Variants in ZNF43 observed in about 807,000 individuals in gnomAD.
ZNF43 encodes zinc finger protein 43.
ZNF43 carries 44 observed loss-of-function variants against 68.4 expected under a neutral mutation model. That is an observed-to-expected ratio of 0.64 (90% CI 0.51 to 0.83). The LOEUF (loss-of-function observed/expected upper bound fraction) is 0.83. Ranked by LOEUF, ZNF43 falls within the 40% of genes least tolerant of loss-of-function variation. The pLI is 0.00. For synonymous variants in ZNF43, 308 were observed against 307.8 expected (o/e 1.00, Z -0.01); for missense variants, 896 against 933.2 (o/e 0.96, Z 0.52).
chr19:21,822,881 A>G (rs1383155025), intron 1 of ZNF43, among the ~76,000 whole-genome samples: 1 of 152,100 alleles, frequency 6.6e-6, no homozygotes, highest in Non-Finnish European at 1.5e-5. Context: ...AAGCTTACCT[A>G]AGACAAAATT....
At chr19:21,823,022 T>G (rs146253756) in intron 1 of ZNF43, among the ~76,000 whole-genome samples, 1 of 152,336 alleles carries the variant, frequency 6.6e-6, no homozygotes, top group East Asian at 1.9e-4. Context: ...AAGATAAATA[T>G]GTATTCTTAG....
Position 21,836,102 on chromosome 19 carries a change from A to G in ZNF43, c.-64T>C. 4 of 1,612,088 alleles carry G rather than the reference A, an allele frequency of 2.5e-6. No individual in the cohort carries two copies. The highest frequency in any genetic ancestry group is 3.4e-6 in the Non-Finnish European group (4 of 1,178,688). On this transcript the variant is annotated 5_prime_UTR_variant, in exon 1 of 4. Coordinates refer to ENST00000354959, the MANE Select transcript of ZNF43 (RefSeq NM_003423.4). ...ATCCCCCAATACCCGCAGGTCACAG[A>G]GCCACAGAGGCTGGACCTCTAGCAG... is the stretch of plus-strand genomic sequence containing the variant.
chr19:21,839,331 CAAAAAAAA>C (rs61335194), upstream of ZNF43, among the ~76,000 whole-genome samples: 100 of 28,300 alleles, frequency 3.5e-3, 3 homozygotes, highest in Non-Finnish European at 4.4e-3. Flanking sequence ...AGAGATCAGG[CAAAAAAAA>C]AAAAAAAAAA....
At chr19:21,831,754 T>A (rs1392096307) in intron 1 of ZNF43, among the ~76,000 whole-genome samples, 1 of 152,102 alleles carries the variant, frequency 6.6e-6, no homozygotes, top group African/African-American at 2.4e-5. Flanking sequence ...ACATCAACAA[T>A]ATTGAAGCCA....
intron 3 of ZNF43, among the ~76,000 whole-genome samples, chr19:21,812,452 T>G (rs1328761198): frequency 6.6e-6 from 1 of 152,118 alleles, no homozygotes; most frequent in Non-Finnish European, 1.5e-5. Context: ...AGTTGAATAA[T>G]CTGATTTGGA....
intron 2 of ZNF43, 86 bp downstream of exon 2, chr19:21,819,009 T>C (rs1458099630): frequency 6.6e-7 from 1 of 1,522,538 alleles, no homozygotes; most frequent in Non-Finnish European, 8.8e-7. Context: ...GAATGCAAAG[T>C]ATAAATTACC....
chr19:21,826,848 A>AAAAAAAAAAAC (rs2038150676), intron 1 of ZNF43: 1 of 151,948 alleles, frequency 6.6e-6, no homozygotes, highest in African/African-American at 2.4e-5. Flanking sequence ...AAAAAAAAAA[A>AAAAAAAAAAAC]ACTGTTGGGT....
chr19:21,834,630 G>T (rs1043042598), intron 1 of ZNF43, among the ~76,000 whole-genome samples: 1 of 151,768 alleles, frequency 6.6e-6, no homozygotes, highest in Non-Finnish European at 1.5e-5. Flanking sequence ...ACGGTGGCAG[G>T]TGCCTGTAAT....
intron 3 of ZNF43, among the ~76,000 whole-genome samples, chr19:21,817,110 C>T (rs529781920): frequency 7.9e-5 from 12 of 152,082 alleles, no homozygotes; most frequent in African/African-American, 2.6e-4. Flanking sequence ...GGCATGGTGG[C>T]ATGGGCCTGT....
At chr19:21,844,956 G>A (rs1350383600) in intron 1 of ZNF43, among the ~76,000 whole-genome samples, 3 of 107,574 alleles carry the variant, frequency 2.8e-5, no homozygotes, top group South Asian at 3.0e-4. Context: ...ATGTTACAAT[G>A]TTACAATTAC....
rs762386639 is a variant in ZNF43, at chr19:21,836,026, G to A, written c.3+10C>T. The A allele has an allele frequency of 1.2e-6, 2 of 1,613,904 alleles. No individual in the cohort carries two copies. Among genetic ancestry groups the A allele is most frequent in the African/African-American group, 1.3e-5 (1 of 75,050 alleles). On this transcript the variant is annotated intron_variant, in intron 1 of 3. Transcript: ENST00000354959. ...TTCCCCCTCTCGGGATGTCGGACCG[G>A]CACTCTCACCATTTCTAGGCTTCCG... is the stretch of plus-strand genomic sequence containing the variant.
rs2037103361 is a variant in ZNF43, at chr19:21,808,713, T to A, written c.1324A>T (p.Thr442Ser). The A allele has an allele frequency of 6.2e-7, 1 of 1,612,984 alleles. No individual in the cohort carries two copies. The highest frequency in any genetic ancestry group is 8.5e-7 in the Non-Finnish European group (1 of 1,179,866). ...GKAFNWPSTLTKHNRIHTGEK... is the reference protein window; with the variant it reads ...GKAFNWPSTLSKHNRIHTGEK... ...CCAGTATGAATTCTGTTATGTTTAG[T>A]AAGGGTTGAGGGCCAGTTAAAGGCT... The change falls in exon 4 of 4, where the codon ACT (threonine) becomes TCT (serine). Residue 442 changes from threonine (T) to serine (S), a missense_variant. Transcript: ENST00000354959.
intron 1 of ZNF43, among the ~76,000 whole-genome samples, chr19:21,834,486 C>T (rs569255169): frequency 1.8e-4 from 28 of 151,982 alleles, no homozygotes; most frequent in African/African-American, 5.5e-4. Context: ...AGGCCGGACT[C>T]GGTGGCTCAC....
At chr19:21,809,953 ATG>A in intron 3 of ZNF43, 146 bp from the exon 4 acceptor site, 1 of 813,104 alleles carries the variant, frequency 1.2e-6, no homozygotes, top group Non-Finnish European at 1.8e-6. Flanking sequence ...AGACATATAA[ATG>A]TAACAAAAAC....
chr19:21,809,783 T>C lies in ZNF43; in HGVS notation c.254A>G (p.Asp85Gly), dbSNP rs2037189579. The change falls in exon 4 of 4, where the codon GAC (aspartate) becomes GGC (glycine). Residue 85 changes from aspartate to glycine, a missense_variant. By Grantham distance (94) the Asp-to-Gly change is moderately conservative. Coordinates refer to ENST00000354959, the MANE Select transcript of ZNF43 (RefSeq NM_003423.4). ...PPVMCSHFTQ[D>G]FWPEQHIKDP... ...TTTTATATGCTGCTCTGGCCAAAAG[T>C]CTTGGGTAAAATGAGAACACATAAC... The C allele has an allele frequency of 1.3e-6, 2 of 1,571,656 alleles. No individual in the cohort carries two copies. Among genetic ancestry groups the C allele is most frequent in the Non-Finnish European group, 8.6e-7 (1 of 1,164,378 alleles).
At chr19:21,810,666 C>A (rs1490087312) in intron 3 of ZNF43, among the ~76,000 whole-genome samples, 1 of 152,090 alleles carries the variant, frequency 6.6e-6, no homozygotes, top group Non-Finnish European at 1.5e-5. Flanking sequence ...TTAAGAATAC[C>A]AGCTGGGTGC....
At chr19:21,842,005 T>C (rs1321562460) in intron 1 of ZNF43, among the ~76,000 whole-genome samples, 1 of 152,134 alleles carries the variant, frequency 6.6e-6, no homozygotes, top group African/African-American at 2.4e-5. Flanking sequence ...AATAGGAGAA[T>C]TATGACATTA....
At position 21,809,192 on chromosome 19, in the gene ZNF43, C is replaced by G. The variant is rs2037148723; in HGVS notation, c.845G>C (p.Gly282Ala). ...TTCTTTACATTTGTAGAATTTCTCT[C>G]CAGTGCGAATTATCTTATGGGTAGT... ...ILTTHKIIRT[G>A]EKFYKCKECA... is the part of the protein sequence containing the mutation. The change falls in exon 4 of 4, where the codon GGA (glycine) becomes GCA (alanine). Residue 282 changes from glycine to alanine, a missense_variant. Gly to Ala is a moderately conservative substitution (Grantham distance 60). Transcript: ENST00000354959. The G allele has an allele frequency of 3.7e-6, 6 of 1,612,956 alleles. No individual in the cohort carries two copies. The highest frequency in any genetic ancestry group is 3.3e-5 in the South Asian group (3 of 91,032).
chr19:21,852,059 TG>T (rs1441171796), exon 1 of ZNF43: 5 of 1,090,588 alleles, frequency 4.6e-6, no homozygotes, highest in African/African-American at 1.6e-5. Flanking sequence ...TAGCGGGAGC[TG>T]GAGACAAAGG....
Sources: allele counts gnomAD v4.1 joint callset (sites outside exome capture counted in the v4.1 genomes callset), GRCh38; gene constraint gnomAD v4.1.1; transcripts MANE v1.5; gene names NCBI Gene and HGNC (gene_info 2026-07-23, HGNC 2026-07-21).